FRAS1: variants seen among roughly 807,000 people sequenced by gnomAD.
The protein encoded by FRAS1 is Fraser extracellular matrix complex subunit 1.
FRAS1 carries 290 observed loss-of-function variants against 435.2 expected under a neutral mutation model. The observed-to-expected ratio is 0.67, with a 90% CI of 0.61 to 0.73. The LOEUF (loss-of-function observed/expected upper bound fraction) is 0.73. Among genes scored for constraint, FRAS1 ranks in the 30% least tolerant of loss-of-function variants. The pLI is 0.00. For synonymous variants in FRAS1, 1,800 were observed against 1,851.0 expected, an observed-to-expected ratio of 0.97 and a Z score of 0.71; for missense variants, 4,860 against 5,001.5, an observed-to-expected ratio of 0.97 and a Z score of 0.85.
In FRAS1 at chr4:78,499,818, G is replaced by A. The variant is rs375551085; in HGVS notation, c.9213G>A (p.Gly3071=). Residue 3071 remains glycine, a synonymous_variant, in exon 61 of 74, where the codon GGG becomes GGA. Coordinates refer to ENST00000512123, the MANE Select transcript of FRAS1 (RefSeq NM_025074.7). ...AILNIKVIRR[G]DQNRTSKVRC... Reference sequence around the variant, plus strand: ...TGAACATCAAGGTGATCCGCAGAGGGGATCAGAACAGGACCTCCAAGGTTC... The same window carrying A: ...TGAACATCAAGGTGATCCGCAGAGGAGATCAGAACAGGACCTCCAAGGTTC... 9 of 1,613,764 alleles carry A rather than the reference G, an allele frequency of 5.6e-6. No individual in the cohort carries two copies. In the African/African-American group the frequency reaches 6.7e-5, roughly 12 times the overall value.
intron 2 of FRAS1, among the ~76,000 whole-genome samples, chr4:78,210,094 C>T (rs551032554): frequency 1.5e-4 from 23 of 152,330 alleles, no homozygotes; most frequent in African/African-American, 5.5e-4. Context: ...ACACAGCACA[C>T]TGTGCTATTC....
chr4:78,471,012 GAA>G (rs1719690656), intron 51 of FRAS1, among the ~76,000 whole-genome samples: 1 of 152,212 alleles, frequency 6.6e-6, no homozygotes, highest in Non-Finnish European at 1.5e-5. Flanking sequence ...TTCACTAGAA[GAA>G]GGGGAGGGTG....
intron 20 of FRAS1, among the ~76,000 whole-genome samples, chr4:78,338,970 G>A (rs1730294661): frequency 6.6e-6 from 1 of 152,228 alleles, no homozygotes; most frequent in East Asian, 1.9e-4. Context: ...AGCCCAGAAT[G>A]CTGGATTCGG....
At chr4:78,342,064 C>T (rs935422750) in intron 20 of FRAS1, among the ~76,000 whole-genome samples, 4 of 152,132 alleles carry the variant, frequency 2.6e-5, no homozygotes, top group Admixed American at 1.3e-4. Context: ...CAGGCAAAGC[C>T]GAGGATAATC....
chr4:78,364,122 A>C, intron 22 of FRAS1, 68 bp downstream of exon 22: 1 of 1,495,852 alleles, frequency 6.7e-7, no homozygotes, highest in Non-Finnish European at 9.0e-7. Context: ...ATTGAAAGAA[A>C]TGCGAGGTTC....
chr4:78,127,916 C>A lies in FRAS1; in HGVS notation c.108+61900C>A, dbSNP rs540992508. On this transcript the variant is annotated intron_variant, in intron 2 of 73. Coordinates refer to ENST00000512123, the MANE Select transcript of FRAS1 (RefSeq NM_025074.7). ...ATCCCTTCCCCCTCCCCCCACCCCA[C>A]AACAGGCCCTGGTGTGTGATGTTCC... is the stretch of plus-strand genomic sequence containing the variant. Among the ~76,000 whole-genome samples the A allele has an allele frequency of 1.9e-3, 254 of 130,662 alleles. 1 individual carries two copies. The highest frequency in any genetic ancestry group is 6.6e-3 in the African/African-American group (234 of 35,444). The allele number at this position is 130,662 out of a possible 152,430, so 85.7% of individuals were successfully genotyped here.
chr4:78,480,048 C>T lies in FRAS1; in HGVS notation c.8443+330C>T, dbSNP rs180687504. Among the ~76,000 whole-genome samples the T allele has an allele frequency of 4.9e-3, 742 of 152,184 alleles. 1 individual carries two copies. Among genetic ancestry groups the T allele is most frequent in the Non-Finnish European group, 8.2e-3 (559 of 68,002 alleles). ...TCAGGATAAATGGGGTGTTCATCAC[C>T]TCACCTCAAGCATTTATCCTTTGTG... On this transcript the variant is annotated intron_variant, in intron 56 of 73. Transcript: ENST00000512123.
At chr4:78,182,707 G>T (rs1722071994) in intron 2 of FRAS1, among the ~76,000 whole-genome samples, 1 of 151,818 alleles carries the variant, frequency 6.6e-6, no homozygotes, top group South Asian at 2.1e-4. Context: ...GTGAAACCCC[G>T]TCTCTACTAA....
chr4:78,471,411 C>G (rs1030963190), intron 51 of FRAS1, among the ~76,000 whole-genome samples: 1 of 151,860 alleles, frequency 6.6e-6, no homozygotes, highest in Non-Finnish European at 1.5e-5. Context: ...TGCCAATTTC[C>G]CCTGTGCTCT....
At chr4:78,091,461 A>G (rs1578117297) in intron 2 of FRAS1, among the ~76,000 whole-genome samples, 2 of 152,182 alleles carry the variant, frequency 1.3e-5, no homozygotes, top group Middle Eastern at 6.8e-3. Context: ...GGTGGAACTT[A>G]CTGTGCTGTA....
At chr4:78,124,529 A>G (rs1719226832) in intron 2 of FRAS1, among the ~76,000 whole-genome samples, 5 of 152,202 alleles carry the variant, frequency 3.3e-5, no homozygotes, top group Admixed American at 2.6e-4. Flanking sequence ...TATTGATCAG[A>G]ATAGTTTCAG....
intron 2 of FRAS1, among the ~76,000 whole-genome samples, chr4:78,207,880 A>G (rs913374158): frequency 6.6e-6 from 1 of 152,190 alleles, no homozygotes; most frequent in Admixed American, 6.5e-5. Flanking sequence ...TACATTTTTG[A>G]TCATGGCAGA....
At chr4:78,182,554 G>A (rs531672917) in intron 2 of FRAS1, among the ~76,000 whole-genome samples, 1 of 152,294 alleles carries the variant, frequency 6.6e-6, no homozygotes, top group South Asian at 2.1e-4. Flanking sequence ...GTCAGTTTAA[G>A]TCTGAGATAC....
At chr4:78,421,406 C>T (rs1217144804) in intron 33 of FRAS1, among the ~76,000 whole-genome samples, 3 of 152,176 alleles carry the variant, frequency 2.0e-5, no homozygotes, top group Non-Finnish European at 4.4e-5. Context: ...CCTCAGCCTC[C>T]CAAAGTGTTG....
intron 23 of FRAS1, 131 bp from the exon 24 acceptor site, chr4:78,372,587 C>CT: frequency 1.9e-6 from 2 of 1,075,190 alleles, no homozygotes; most frequent in Non-Finnish European, 2.8e-6. Context: ...TCATTTGAGC[C>CT]TACTTATCTG....
chr4:78,377,712 C>G (rs957291380), intron 26 of FRAS1, among the ~76,000 whole-genome samples: 1 of 152,156 alleles, frequency 6.6e-6, no homozygotes, highest in African/African-American at 2.4e-5. Flanking sequence ...AAACACCAGC[C>G]TCTTTACTTG....
intron 2 of FRAS1, among the ~76,000 whole-genome samples, chr4:78,192,621 C>T (rs1722595198): frequency 6.6e-6 from 1 of 151,994 alleles, no homozygotes; most frequent in South Asian, 2.1e-4. Context: ...TGGTGATATC[C>T]CCTTTGTCAT....
intron 50 of FRAS1, among the ~76,000 whole-genome samples, chr4:78,468,266 G>T (rs1719594246): frequency 6.6e-6 from 1 of 152,034 alleles, no homozygotes. Flanking sequence ...TGAGAGAGAG[G>T]GGTCCAGGTT....
intron 20 of FRAS1, among the ~76,000 whole-genome samples, chr4:78,355,851 T>C (rs2110286208): frequency 6.6e-6 from 1 of 152,312 alleles, no homozygotes; most frequent in African/African-American, 2.4e-5. Context: ...TCTCTGAGGA[T>C]GCTGCCATTT....
Sources: gnomAD v4.1 joint callset for allele counts (sites outside exome capture counted in the v4.1 genomes callset) on GRCh38, gnomAD v4.1.1 for gene constraint, MANE v1.5 for transcripts, NCBI Gene and HGNC (gene_info 2026-07-23, HGNC 2026-07-21) for gene names.